ATP5F1C: variants seen among roughly 807,000 people sequenced by gnomAD.
ATP5F1C encodes the protein ATP synthase F(1) complex subunit gamma, mitochondrial.
ATP5F1C carries 22 observed loss-of-function variants against 37.4 expected under a neutral mutation model. The observed-to-expected ratio is 0.59, with a 90% confidence interval of 0.42 to 0.84. ATP5F1C has a LOEUF of 0.84. Ranked by LOEUF, ATP5F1C falls within the 40% of genes least tolerant of loss-of-function variation. The pLI, the probability that ATP5F1C is intolerant of heterozygous loss-of-function variation, is 0.00. For missense variants in ATP5F1C, 286 were observed against 362.4 expected, an observed-to-expected ratio of 0.79 and a Z score of 1.71; for synonymous variants, 121 against 128.0, an observed-to-expected ratio of 0.95 and a Z score of 0.37.
intron 8 of ATP5F1C, among the ~76,000 whole-genome samples, chr10:7,806,636 A>G (rs1836487369): frequency 6.6e-6 from 1 of 150,722 alleles, no homozygotes; most frequent in Non-Finnish European, 1.5e-5. Context: ...CCTGGGCAAC[A>G]GAACAAGACT....
At chr10:7,802,945 C>A in intron 8 of ATP5F1C, 91 bp downstream of exon 8, 1 of 1,098,014 alleles carries the variant, frequency 9.1e-7, no homozygotes, top group Non-Finnish European at 1.3e-6. Flanking sequence ...TCGTTTTTTT[C>A]TTTTGAAGTT....
At chr10:7,795,307 T>A (rs1012344713) in intron 1 of ATP5F1C, among the ~76,000 whole-genome samples, 1 of 152,184 alleles carries the variant, frequency 6.6e-6, no homozygotes, top group East Asian at 1.9e-4. Flanking sequence ...TTCATCATGC[T>A]CAGTTCTCCT....
intron 2 of ATP5F1C, chr10:7,796,384 G>GA: frequency 2.7e-6 from 1 of 366,144 alleles, no homozygotes; most frequent in Non-Finnish European, 5.0e-6. Context: ...GATATAACTA[G>GA]AAAAAATTAT....
Position 7,802,313 on chromosome 10 carries a change from A to C in ATP5F1C, c.681A>C (p.Gln227His). Residue 227 changes from glutamine (Q) to histidine (H), a missense_variant, in exon 7 of 10, where the codon CAA becomes CAC. Physicochemically the swap from Gln to His is conservative, Grantham distance 24 (BLOSUM62 0). Coordinates refer to ENST00000356708, the MANE Select transcript of ATP5F1C (RefSeq NM_001001973.3). Reference sequence around the variant, plus strand: ...ACGATATTGATGCTGACGTGCTGCAAAATTACCAAGAATACAATCTGGCCA... The same window carrying C: ...ACGATATTGATGCTGACGTGCTGCACAATTACCAAGAATACAATCTGGCCA... ...IYDDIDADVLQNYQEYNLANI... is the reference protein window; with the variant it reads ...IYDDIDADVLHNYQEYNLANI... 6.2e-7 allele frequency: 1 copy of C among 1,613,980 alleles called. No homozygotes were observed. The highest frequency in any genetic ancestry group is 8.5e-7 in the Non-Finnish European group (1 of 1,179,982).
chr10:7,795,707 ACT>A (rs1221614811), intron 1 of ATP5F1C, among the ~76,000 whole-genome samples: 1 of 152,136 alleles, frequency 6.6e-6, no homozygotes, highest in African/African-American at 2.4e-5. Context: ...TATATCATTG[ACT>A]CTGTTACTGG....
At chr10:7,797,940 T>A (rs1215524093) in intron 3 of ATP5F1C, among the ~76,000 whole-genome samples, 2 of 152,192 alleles carry the variant, frequency 1.3e-5, no homozygotes, top group African/African-American at 2.4e-5. Flanking sequence ...ACTTGTTTGA[T>A]TATGAATTCA....
chr10:7,797,482 G>C (rs777067594), intron 3 of ATP5F1C, among the ~76,000 whole-genome samples: 2 of 152,124 alleles, frequency 1.3e-5, no homozygotes, highest in African/African-American at 4.8e-5. Flanking sequence ...GTTTGGTGTC[G>C]AGTCTGTGTA....
chr10:7,796,414 G>A, intron 2 of ATP5F1C: 1 of 308,230 alleles, frequency 3.2e-6, no homozygotes, highest in East Asian at 6.0e-5. Flanking sequence ...GGTGTAGGTG[G>A]GTGTATGTGT....
rs751377060 is a variant in ATP5F1C at position 7,799,022 on chromosome 10, G to A, written c.256G>A (p.Glu86Lys). 9.9e-6 allele frequency: 16 copies of A among 1,612,192 alleles called. No homozygotes were observed. Among genetic ancestry groups the A allele is most frequent in the South Asian group, 4.4e-5 (4 of 90,996 alleles). Reference sequence around the variant, plus strand: ...TGAAAAAGCTGATATCAAGGGGCCTGAAGACAAGAAGAAACACCTCCTTAT... The same window carrying A: ...TGAAAAAGCTGATATCAAGGGGCCTAAAGACAAGAAGAAACACCTCCTTAT... ...LYEKADIKGP[E>K]DKKKHLLIGV... Residue 86 changes from glutamate (E) to lysine (K), a missense_variant, in exon 4 of 10, where the codon GAA becomes AAA. Glu to Lys is a moderately conservative substitution (Grantham distance 56). Coordinates refer to ENST00000356708, the MANE Select transcript of ATP5F1C (RefSeq NM_001001973.3).
intron 6 of ATP5F1C, among the ~76,000 whole-genome samples, chr10:7,800,597 C>T (rs1346599921): frequency 1.3e-5 from 2 of 151,706 alleles, no homozygotes; most frequent in Non-Finnish European, 2.9e-5. Flanking sequence ...CGGGTTCACG[C>T]CGTTCTCCTG....
chr10:7,800,921 T>G (rs574454620), intron 6 of ATP5F1C, among the ~76,000 whole-genome samples: 73 of 152,384 alleles, frequency 4.8e-4, no homozygotes, highest in African/African-American at 1.7e-3. Flanking sequence ...GGTTCATCAT[T>G]AGATTTTTTT....
At chr10:7,797,211 G>A in intron 3 of ATP5F1C, 33 bp downstream of exon 3, 1 of 1,606,408 alleles carries the variant, frequency 6.2e-7, no homozygotes, top group Non-Finnish European at 8.5e-7. Context: ...AAATTAGGAA[G>A]AACTGTTTCA....
At chr10:7,790,509 C>A (rs1387391413) in intron 1 of ATP5F1C, among the ~76,000 whole-genome samples, 5 of 152,102 alleles carry the variant, frequency 3.3e-5, no homozygotes, top group Admixed American at 3.3e-4. Flanking sequence ...TCAGTAGTCT[C>A]TAAAATGGAA....
rs1415391887 is a variant in ATP5F1C at position 7,797,127 on chromosome 10, C to T, written c.172C>T (p.Arg58Ter). The T allele has an allele frequency of 2.5e-6, 4 of 1,613,894 alleles. No homozygotes were observed. Among genetic ancestry groups the T allele is most frequent in the Non-Finnish European group, 3.4e-6 (4 of 1,180,002 alleles). Residue 58 changes from arginine (R) to a stop codon, truncating the protein, a stop_gained, in exon 3 of 10, where the codon CGA becomes TGA. Transcript: ENST00000356708. LOFTEE classifies it high-confidence loss of function. The stretch of plus-strand genomic sequence containing the variant: ...AATGGTAGCGGCAGCAAAATATGCC[C>T]GAGCTGAGAGAGAGCTGAAACCAGC... ...MKMVAAAKYARAERELKPARI... is the reference protein window; with the variant it reads ...MKMVAAAKYA
At chr10:7,788,319 A>C (rs1411695873) in intron 1 of ATP5F1C, 56 bp downstream of exon 1, 28 of 1,597,844 alleles carry the variant, frequency 1.8e-5, no homozygotes, top group Non-Finnish European at 2.1e-5. Context: ...GAGCTTGGGC[A>C]CGGGGCAGGG....
chr10:7,799,519 AG>A (rs1836310168), intron 4 of ATP5F1C: 3 of 566,686 alleles, frequency 5.3e-6, no homozygotes, highest in Non-Finnish European at 9.3e-6. Context: ...TGTTAGCAAT[AG>A]TTCATTAGGA....
Position 7,796,141 on chromosome 10 carries a change from C to A in ATP5F1C, c.77C>A (p.Ala26Glu), listed in dbSNP as rs1296780552. 6.3e-7 allele frequency: 1 copy of A among 1,586,700 alleles called. No homozygotes were observed. The highest frequency in any genetic ancestry group is 1.2e-5 in the South Asian group (1 of 84,728). ...CTCAGGATTCAAGTTCGAAATATGG[C>A]AACTTTGAAAGATAGTAAGTATGTT... is the stretch of plus-strand genomic sequence containing the variant. The part of the protein sequence containing the change: ...QPQWIQVRNM[A>E]TLKDITRRLK... Residue 26 changes from alanine (A) to glutamate (E), a missense_variant, in exon 2 of 10, where the codon GCA becomes GAA. Coordinates refer to ENST00000356708, the MANE Select transcript of ATP5F1C (RefSeq NM_001001973.3).
chr10:7,788,233 G>T lies in ATP5F1C; in HGVS notation c.26G>T (p.Gly9Val). 1 of 1,613,638 alleles carries T rather than the reference G, an allele frequency of 6.2e-7. No individual in the cohort carries two copies. MFSRAGVA[G>V]LSAWTLQPQW... ...ATGTTCTCTCGCGCGGGTGTCGCTG[G>T]GCTGTCGGCCTGGACCTTGCAGCCG... is the stretch of plus-strand genomic sequence containing the variant. Residue 9 changes from glycine to valine, a missense_variant, in exon 1 of 10, where the codon GGG becomes GTG. Coordinates refer to ENST00000356708, the MANE Select transcript of ATP5F1C (RefSeq NM_001001973.3).
rs771962480 is a variant in ATP5F1C at position 7,800,038 on chromosome 10, CCT to C, written c.585_586del (p.Tyr196Ter). ...TTTGTCAATTCTAGGTCTGTCATCT[CCT>C]ATAAGACAGAAGAAAAGCCCATCTT... is the stretch of plus-strand genomic sequence containing the variant. On this transcript the variant is annotated frameshift_variant, in exon 6 of 10. Coordinates refer to ENST00000356708, the MANE Select transcript of ATP5F1C (RefSeq NM_001001973.3). LOFTEE classifies it high-confidence loss of function. The C allele has an allele frequency of 1.2e-6, 2 of 1,613,984 alleles. No homozygotes were observed. The highest frequency in any genetic ancestry group is 3.3e-5 in the Admixed American group (2 of 60,016).
Sources: gnomAD v4.1 joint callset for allele counts (sites outside exome capture counted in the v4.1 genomes callset) on GRCh38, gnomAD v4.1.1 for gene constraint, MANE v1.5 for transcripts, NCBI Gene and HGNC (gene_info 2026-07-23, HGNC 2026-07-21) for gene names.